The following CHST11 variants were observed in gnomAD, a reference collection of about 807,000 sequenced individuals.
CHST11 encodes the protein carbohydrate sulfotransferase 11.
CHST11 carries 9 observed loss-of-function variants against 30.4 expected under a neutral mutation model. The ratio of observed to expected loss-of-function variants is 0.30; its 90% CI spans 0.18 to 0.52. CHST11 has a LOEUF of 0.52. CHST11 is among the 20% of genes least tolerant of loss of function. The pLI, the probability that CHST11 is intolerant of heterozygous loss-of-function variation, is 0.97. For synonymous variants in CHST11, 152 were observed against 187.8 expected (o/e 0.81, Z 1.56); for missense variants, 348 against 460.6 (o/e 0.76, Z 2.24).
chr12:104,540,893 T>G (rs1415380834), intron 1 of CHST11, among the ~76,000 whole-genome samples: 1 of 152,170 alleles, frequency 6.6e-6, no homozygotes, highest in Non-Finnish European at 1.5e-5. Flanking sequence ...GAAATGGAGC[T>G]TCCCCTCTAA....
At chr12:104,689,445 A>G in intron 2 of CHST11, among the ~76,000 whole-genome samples, 1 of 152,236 alleles carries the variant, frequency 6.6e-6, no homozygotes, top group South Asian at 2.1e-4. Flanking sequence ...CATACTTCCC[A>G]GCAGCTGTGA....
At chr12:104,492,815 C>T (rs189509095) in intron 1 of CHST11, among the ~76,000 whole-genome samples, 10 of 152,250 alleles carry the variant, frequency 6.6e-5, no homozygotes, top group East Asian at 5.8e-4. Flanking sequence ...GGGCAGATCA[C>T]GAGGTCAGCA....
At chr12:104,554,282 A>G (rs1233955212) in intron 1 of CHST11, among the ~76,000 whole-genome samples, 6 of 152,014 alleles carry the variant, frequency 3.9e-5, no homozygotes, top group Non-Finnish European at 7.4e-5. Context: ...AGATAACAAG[A>G]GGGGACCGAG....
At position 104,590,961 on chromosome 12, in the gene CHST11, G is replaced by A. The variant is rs368519059; in HGVS notation, c.119-10945G>A. On this transcript the variant is annotated intron_variant, in intron 1 of 2. Transcript: ENST00000303694. ...ATATAGCAAAGAATGGGAGGAACAG[G>A]AGAGAGAGGAAGTGAGGCCATGGGA... is the stretch of plus-strand genomic sequence containing the variant. Among the ~76,000 whole-genome samples the A allele has an allele frequency of 1.4e-4, 21 of 152,224 alleles. No individual in the cohort carries two copies. In the East Asian group the frequency reaches 4.0e-3, roughly 29 times the overall value.
At chr12:104,525,475 A>T (rs2038116217) in intron 1 of CHST11, among the ~76,000 whole-genome samples, 1 of 152,160 alleles carries the variant, frequency 6.6e-6, no homozygotes, top group Admixed American at 6.5e-5. Context: ...AGAGCACAGG[A>T]TTTAGGTCTG....
At chr12:104,501,253 C>A (rs1044076485) in intron 1 of CHST11, among the ~76,000 whole-genome samples, 1 of 152,046 alleles carries the variant, frequency 6.6e-6, no homozygotes, top group Non-Finnish European at 1.5e-5. Context: ...TCTCTTTTGC[C>A]TTTGACTGTA....
intron 1 of CHST11, among the ~76,000 whole-genome samples, chr12:104,471,088 C>T (rs1445542754): frequency 6.6e-6 from 1 of 152,158 alleles, no homozygotes; most frequent in Non-Finnish European, 1.5e-5. Context: ...AAGTCTAGTT[C>T]ATGTATTACC....
intron 2 of CHST11, among the ~76,000 whole-genome samples, chr12:104,708,308 T>A (rs994367198): frequency 3.9e-5 from 6 of 152,244 alleles, no homozygotes; most frequent in African/African-American, 7.2e-5. Context: ...ATGGGGCTGA[T>A]GACAGTCATG....
At chr12:104,481,190 TTCAAGGTCCCGCCTCAC>T (rs1233057893) in intron 1 of CHST11, among the ~76,000 whole-genome samples, 1 of 152,202 alleles carries the variant, frequency 6.6e-6, no homozygotes, top group East Asian at 1.9e-4. Flanking sequence ...TTAGCCTGAC[TTCAAGGTCCCGCCTCAC>T]TGAGGCCTGC....
intron 2 of CHST11, among the ~76,000 whole-genome samples, chr12:104,704,326 C>A (rs1191956634): frequency 6.6e-6 from 1 of 152,190 alleles, no homozygotes; most frequent in Non-Finnish European, 1.5e-5. Context: ...CTGGAAGGAA[C>A]TGGGCTCCAG....
chr12:104,626,680 G>A (rs893909805), intron 2 of CHST11, among the ~76,000 whole-genome samples: 5 of 149,934 alleles, frequency 3.3e-5, no homozygotes, highest in Non-Finnish European at 7.4e-5. Flanking sequence ...CATGTGATTT[G>A]TTTTTTAATA....
chr12:104,667,637 G>A (rs1382416820), intron 2 of CHST11, among the ~76,000 whole-genome samples: 3 of 152,128 alleles, frequency 2.0e-5, no homozygotes, highest in Non-Finnish European at 4.4e-5. Flanking sequence ...TCCAGACTCT[G>A]CTTTCTGCTC....
chr12:104,759,986 T>G lies in CHST11; in HGVS notation c.*2183T>G, dbSNP rs2040510740. On this transcript the variant is annotated 3_prime_UTR_variant, in exon 3 of 3. Coordinates refer to ENST00000303694, the MANE Select transcript of CHST11 (RefSeq NM_018413.6). ...GGCATCAGGTTGGTGTGATGCAGAC[T>G]AAGGGTTTTGTGGTCAAATATCCTT... 6.6e-6 allele frequency: 1 copy of G among 152,232 alleles called. No individual in the cohort carries two copies. The highest frequency in any genetic ancestry group is 1.5e-5 in the Non-Finnish European group (1 of 68,038). The allele number at this position is 152,232 out of a possible 1,614,324, so 9.4% of individuals were successfully genotyped here.
intron 2 of CHST11, among the ~76,000 whole-genome samples, chr12:104,739,083 C>T (rs977964100): frequency 6.6e-6 from 1 of 152,214 alleles, no homozygotes; most frequent in Admixed American, 6.5e-5. Flanking sequence ...AGGTGGCAGA[C>T]GCTGTCAGTG....
chr12:104,702,181 AAATCCTCC>A (rs1035588325), intron 2 of CHST11, among the ~76,000 whole-genome samples: 1 of 152,238 alleles, frequency 6.6e-6, no homozygotes, highest in Non-Finnish European at 1.5e-5. Context: ...CCATCTTACC[AAATCCTCC>A]ATTGCCCATT....
intron 1 of CHST11, among the ~76,000 whole-genome samples, chr12:104,581,630 T>G (rs1164311874): frequency 6.6e-6 from 1 of 151,064 alleles, no homozygotes; most frequent in Admixed American, 6.6e-5. Flanking sequence ...GTGGGGAGGG[T>G]CTTTCTGGGT....
At chr12:104,738,092 G>A (rs2040315866) in intron 2 of CHST11, among the ~76,000 whole-genome samples, 1 of 152,168 alleles carries the variant, frequency 6.6e-6, no homozygotes, top group African/African-American at 2.4e-5. Flanking sequence ...CGCCCTGCTG[G>A]ACCGGTGTAA....
chr12:104,569,793 A>G (rs1471613497), intron 1 of CHST11, among the ~76,000 whole-genome samples: 1 of 152,182 alleles, frequency 6.6e-6, no homozygotes, highest in East Asian at 1.9e-4. Flanking sequence ...GGGTGGCACC[A>G]TTGACCATGC....
Position 104,545,494 on chromosome 12 carries a change from A to G in CHST11, c.119-56412A>G, listed in dbSNP as rs939047892. ...CAGTCCTTGTCTCTCAGGTGGGCAC[A>G]TGCTTGGCTGATTGATGGAATATCT... On this transcript the variant is annotated intron_variant, in intron 1 of 2. Coordinates refer to ENST00000303694, the MANE Select transcript of CHST11 (RefSeq NM_018413.6). 2.6e-5 allele frequency among the ~76,000 whole-genome samples: 4 copies of G among 152,246 alleles called. No individual in the cohort carries two copies. In the East Asian group the frequency reaches 7.7e-4, roughly 29 times the overall value.
Sources: allele counts gnomAD v4.1 joint callset (sites outside exome capture counted in the v4.1 genomes callset), GRCh38; gene constraint gnomAD v4.1.1; transcripts MANE v1.5; gene names NCBI Gene and HGNC (gene_info 2026-07-23, HGNC 2026-07-21).